LINGO2: variants seen among roughly 807,000 people sequenced by gnomAD.
LINGO2 encodes the protein leucine-rich repeat and immunoglobulin-like domain-containing nogo receptor-interacting protein 2.
A neutral mutation model predicts 30.6 loss-of-function variants in LINGO2; 14 were observed. The ratio of observed to expected loss-of-function variants is 0.46; its 90% CI spans 0.30 to 0.72. The LOEUF is 0.72. LINGO2 is among the 30% of genes least tolerant of loss of function. The pLI is 0.07. For missense variants in LINGO2, 729 were observed against 751.7 expected, an observed-to-expected ratio of 0.97 and a Z score of 0.35; for synonymous variants, 317 against 288.5, an observed-to-expected ratio of 1.10 and a Z score of -1.00.
chr9:28,784,420 A>G, the LINGO2 span, among the ~76,000 whole-genome samples: 1 of 152,206 alleles, frequency 6.6e-6, no homozygotes, highest in Non-Finnish European at 1.5e-5. Flanking sequence ...TCAGCTGCTT[A>G]CTAGCTGTGT....
At chr9:28,683,242 A>G in the LINGO2 span, among the ~76,000 whole-genome samples, 1 of 152,164 alleles carries the variant, frequency 6.6e-6, no homozygotes, top group African/African-American at 2.4e-5. Context: ...CACAAGTCAT[A>G]TAACCTTTCT....
At chr9:28,236,527 C>T (rs553530656) in intron 4 of LINGO2, among the ~76,000 whole-genome samples, 1 of 152,208 alleles carries the variant, frequency 6.6e-6, no homozygotes, top group East Asian at 1.9e-4. Flanking sequence ...CTTTTTGAGA[C>T]ATAGACAGTA....
intron 4 of LINGO2, among the ~76,000 whole-genome samples, chr9:28,204,308 A>T (rs1323625434): frequency 6.6e-6 from 1 of 152,152 alleles, no homozygotes; most frequent in Non-Finnish European, 1.5e-5. Flanking sequence ...AGTCATTTTG[A>T]GTCTTTTGTG....
intron 3 of LINGO2, among the ~76,000 whole-genome samples, chr9:28,338,952 CA>C (rs1180255824): frequency 6.6e-6 from 1 of 151,990 alleles, no homozygotes; most frequent in African/African-American, 2.4e-5. Flanking sequence ...AACAAACAAA[CA>C]AACGTTAAAA....
intron 2 of LINGO2, among the ~76,000 whole-genome samples, chr9:28,373,374 T>C (rs980304601): frequency 3.9e-5 from 6 of 152,166 alleles, no homozygotes; most frequent in African/African-American, 1.4e-4. Context: ...TAATCTGTTC[T>C]CCCTTATGGA....
At chr9:28,740,063 T>C in the LINGO2 span, among the ~76,000 whole-genome samples, 1 of 151,694 alleles carries the variant, frequency 6.6e-6, no homozygotes, top group Non-Finnish European at 1.5e-5. Flanking sequence ...TTCCTTTTGT[T>C]TTTGATTTCT....
intron 1 of LINGO2, among the ~76,000 whole-genome samples, chr9:28,597,722 TA>T (rs1459719590): frequency 6.6e-6 from 1 of 152,152 alleles, no homozygotes; most frequent in Non-Finnish European, 1.5e-5. Flanking sequence ...ATTATAAAAC[TA>T]TTTTGTATGT....
At chr9:28,207,776 T>C (rs1820458635) in intron 4 of LINGO2, among the ~76,000 whole-genome samples, 1 of 152,126 alleles carries the variant, frequency 6.6e-6, no homozygotes, top group Admixed American at 6.6e-5. Flanking sequence ...ACATAAACAT[T>C]TGGTGCCATG....
intron 4 of LINGO2, among the ~76,000 whole-genome samples, chr9:28,074,374 C>T (rs542528080): frequency 9.6e-4 from 146 of 152,238 alleles, no homozygotes; most frequent in Admixed American, 1.6e-3. Context: ...CAAATTTTAG[C>T]ATGTCTAGAA....
chr9:28,862,294 G>T, the LINGO2 span, among the ~76,000 whole-genome samples: 1 of 152,026 alleles, frequency 6.6e-6, no homozygotes, highest in Non-Finnish European at 1.5e-5. Flanking sequence ...AATAAATACT[G>T]AAGAATTAAA....
intron 2 of LINGO2, among the ~76,000 whole-genome samples, chr9:28,439,048 G>A (rs1686965452): frequency 2.1e-5 from 3 of 145,124 alleles, no homozygotes; most frequent in Non-Finnish European, 3.0e-5. Flanking sequence ...ATGAAATACA[G>A]ATATCTATAC....
chr9:28,355,602 T>C (rs1820169969), intron 3 of LINGO2, among the ~76,000 whole-genome samples: 2 of 152,010 alleles, frequency 1.3e-5, no homozygotes, highest in Admixed American at 1.3e-4. Context: ...TATGGATCCT[T>C]TCTCACTTCA....
intron 4 of LINGO2, among the ~76,000 whole-genome samples, chr9:28,055,995 G>A (rs13286276): frequency 1.3e-5 from 2 of 152,082 alleles, no homozygotes; most frequent in Non-Finnish European, 2.9e-5. Context: ...CCTTCATTAT[G>A]AGACGAAAAG....
At chr9:28,382,884 A>G (rs1278657961) in intron 2 of LINGO2, among the ~76,000 whole-genome samples, 1 of 152,116 alleles carries the variant, frequency 6.6e-6, no homozygotes, top group African/African-American at 2.4e-5. Context: ...TTCTTGATAC[A>G]TTGAGATCAC....
the LINGO2 span, among the ~76,000 whole-genome samples, chr9:29,106,351 A>G: frequency 6.6e-6 from 1 of 152,258 alleles, no homozygotes; most frequent in East Asian, 1.9e-4. Context: ...ACTCTGAGCT[A>G]TACATGGCAT....
At chr9:28,597,564 T>A (rs929330155) in intron 1 of LINGO2, among the ~76,000 whole-genome samples, 4 of 152,204 alleles carry the variant, frequency 2.6e-5, no homozygotes, top group African/African-American at 9.7e-5. Flanking sequence ...GGTCTTTTGT[T>A]CAAGTCTTTT....
chr9:28,032,907 T>C (rs1823752477), intron 4 of LINGO2, among the ~76,000 whole-genome samples: 1 of 152,238 alleles, frequency 6.6e-6, no homozygotes, highest in Non-Finnish European at 1.5e-5. Flanking sequence ...TGCCTTCTTT[T>C]GTCTGAGAAA....
intron 2 of LINGO2, among the ~76,000 whole-genome samples, chr9:28,401,358 C>G: frequency 6.6e-6 from 1 of 152,068 alleles, no homozygotes. Context: ...CAATGTTCAA[C>G]TCCCACTTAT....
intron 3 of LINGO2, among the ~76,000 whole-genome samples, chr9:28,366,771 CTTTAT>C (rs1820694323): frequency 6.6e-6 from 1 of 151,438 alleles, no homozygotes; most frequent in Admixed American, 6.6e-5. Context: ...TTAAATTTTG[CTTTAT>C]TTTATGAAAG....
Sources: gnomAD v4.1 joint callset for allele counts (sites outside exome capture counted in the v4.1 genomes callset) on GRCh38, gnomAD v4.1.1 for gene constraint, MANE v1.5 for transcripts, NCBI Gene and HGNC (gene_info 2026-07-23, HGNC 2026-07-21) for gene names.